SEC14L1: variants seen among roughly 807,000 people sequenced by gnomAD.
SEC14L1 encodes SEC14-like protein 1.
A neutral mutation model predicts 85.3 loss-of-function variants in SEC14L1; 48 were observed. That is an observed-to-expected ratio of 0.56 (90% confidence interval 0.45 to 0.72). The LOEUF is 0.72. Among genes scored for constraint, SEC14L1 ranks in the 30% least tolerant of loss-of-function variants. The probability of loss-of-function intolerance (pLI) is 0.00; values close to 1 mark genes in which losing one functional copy is unlikely to be tolerated. For missense variants in SEC14L1, 682 were observed against 921.4 expected, an observed-to-expected ratio of 0.74 and a Z score of 3.36; for synonymous variants, 391 against 355.5, an observed-to-expected ratio of 1.10 and a Z score of -1.12.
chr17:77,177,661 A>G (rs936039810), intron 3 of SEC14L1, among the ~76,000 whole-genome samples: 4 of 152,170 alleles, frequency 2.6e-5, no homozygotes, highest in Admixed American at 2.6e-4. Flanking sequence ...AAAACATTAT[A>G]TCTAATGCTA....
At chr17:77,096,539 A>G (rs1426749455) in intron 3 of SEC14L1, among the ~76,000 whole-genome samples, 1 of 139,460 alleles carries the variant, frequency 7.2e-6, no homozygotes, top group African/African-American at 2.7e-5. Flanking sequence ...CCTGGGTGAC[A>G]GTGAGACTCC....
chr17:77,201,661 G>C (rs1342658018), intron 9 of SEC14L1, among the ~76,000 whole-genome samples: 1 of 152,060 alleles, frequency 6.6e-6, no homozygotes, highest in East Asian at 1.9e-4. Context: ...ATATTGGCCA[G>C]GCTGGTCTCG....
At chr17:77,145,604 A>G (rs538777400) in intron 3 of SEC14L1, among the ~76,000 whole-genome samples, 3 of 152,186 alleles carry the variant, frequency 2.0e-5, no homozygotes, top group Non-Finnish European at 4.4e-5. Flanking sequence ...TGCCATTTGC[A>G]TGTTATCTGT....
At chr17:77,115,430 A>ATT (rs1453644885) in intron 3 of SEC14L1, among the ~76,000 whole-genome samples, 1 of 151,994 alleles carries the variant, frequency 6.6e-6, no homozygotes, top group Non-Finnish European at 1.5e-5. Context: ...ACTCCATCTC[A>ATT]AAAAAATAAA....
intron 3 of SEC14L1, chr17:77,185,365 T>C: frequency 1.0e-6 from 1 of 985,430 alleles, no homozygotes; most frequent in South Asian, 4.7e-5. Flanking sequence ...TTAAATGCCA[T>C]CTGGTTGGGC....
intron 14 of SEC14L1, 103 bp from the exon 15 acceptor site, chr17:77,211,847 C>A: frequency 1.4e-6 from 2 of 1,471,876 alleles, no homozygotes; most frequent in South Asian, 1.3e-5. Flanking sequence ...CCCTCCCCAG[C>A]TTCAGCACCT....
At chr17:77,129,682 G>A (rs1373258469) in intron 3 of SEC14L1, among the ~76,000 whole-genome samples, 1 of 152,188 alleles carries the variant, frequency 6.6e-6, no homozygotes, top group East Asian at 1.9e-4. Context: ...AGAGCTGAAG[G>A]TGGAGGAGGG....
In SEC14L1 at chr17:77,203,596, C is replaced by G. The variant is rs1251422764; in HGVS notation, c.1036C>G (p.Leu346Val). The change falls in exon 10 of 17, where the codon CTG (leucine) becomes GTG (valine). Residue 346 changes from leucine (L) to valine (V), a missense_variant. Physicochemically the swap from Leu to Val is conservative, Grantham distance 32. Transcript: ENST00000436233. ...TGGGCGGCCCCTCTACGTGCTCAGG[C>G]TGGGGCAGATGGACACCAAAGGCTT... ...KDGRPLYVLR[L>V]GQMDTKGLVR... 1 of 1,613,760 alleles carries G rather than the reference C, an allele frequency of 6.2e-7. No homozygotes were observed. Among genetic ancestry groups the G allele is most frequent in the African/African-American group, 1.3e-5 (1 of 74,928 alleles).
intron 3 of SEC14L1, among the ~76,000 whole-genome samples, chr17:77,110,187 C>T (rs1972015949): frequency 6.6e-6 from 1 of 152,196 alleles, no homozygotes; most frequent in African/African-American, 2.4e-5. Flanking sequence ...TGAAAGGTGA[C>T]TTTTCTGCTC....
intron 3 of SEC14L1, among the ~76,000 whole-genome samples, chr17:77,164,676 T>G (rs544756817): frequency 2.6e-5 from 4 of 151,912 alleles, no homozygotes; most frequent in Admixed American, 1.3e-4. Flanking sequence ...GAAAGGACAC[T>G]TGGATAGCTG....
intron 3 of SEC14L1, among the ~76,000 whole-genome samples, chr17:77,122,603 A>G (rs1458937877): frequency 6.6e-6 from 1 of 151,780 alleles, no homozygotes; most frequent in African/African-American, 2.4e-5. Flanking sequence ...CACCATCCCC[A>G]CCCTATTTTC....
chr17:77,191,515 C>T (rs1403106245), intron 5 of SEC14L1, among the ~76,000 whole-genome samples: 1 of 152,120 alleles, frequency 6.6e-6, no homozygotes. Flanking sequence ...GCAGTTAAGG[C>T]AGCCAAGTGA....
chr17:77,190,342 G>T (rs1207033188), intron 3 of SEC14L1, among the ~76,000 whole-genome samples: 4 of 151,936 alleles, frequency 2.6e-5, no homozygotes, highest in African/African-American at 9.7e-5. Context: ...CTATTTCTGG[G>T]TTCTGTATTT....
At chr17:77,176,785 C>G (rs1303083475) in intron 3 of SEC14L1, among the ~76,000 whole-genome samples, 1 of 152,130 alleles carries the variant, frequency 6.6e-6, no homozygotes, top group Non-Finnish European at 1.5e-5. Context: ...CGGGGTGTCT[C>G]CATGTTGTTC....
At chr17:77,119,082 G>A (rs1972240140) in intron 3 of SEC14L1, among the ~76,000 whole-genome samples, 1 of 152,108 alleles carries the variant, frequency 6.6e-6, no homozygotes, top group South Asian at 2.1e-4. Context: ...GGCCGAGACG[G>A]GTGGATTGCC....
intron 3 of SEC14L1, among the ~76,000 whole-genome samples, chr17:77,112,492 A>G (rs555446711): frequency 9.9e-5 from 15 of 152,194 alleles, no homozygotes; most frequent in Non-Finnish European, 2.1e-4. Flanking sequence ...TTTATAGTCT[A>G]TATTGACGTC....
At chr17:77,104,609 G>A (rs942295327) in intron 3 of SEC14L1, among the ~76,000 whole-genome samples, 5 of 149,870 alleles carry the variant, frequency 3.3e-5, no homozygotes, top group Non-Finnish European at 5.9e-5. Context: ...GGCCAAGATG[G>A]TGAAACCCCC....
In SEC14L1 at chr17:77,150,594, AG is replaced by A. The variant is rs550316223; in HGVS notation, c.63+6938del. On this transcript the variant is annotated intron_variant, in intron 3 of 16. Transcript: ENST00000436233. ...ACTCGCGACTCATATATCTTACTTC[AG>A]GGTGAGGAGACACTGCTCTTCCTTA... Among the ~76,000 whole-genome samples the A allele has an allele frequency of 1.3e-4, 20 of 152,350 alleles. No individual in the cohort carries two copies. In the East Asian group the frequency reaches 3.5e-3, roughly 26 times the overall value.
At chr17:77,203,539 C>T (rs779208210) in intron 9 of SEC14L1, 31 bp from the exon 10 acceptor site, 19 of 1,580,620 alleles carry the variant, frequency 1.2e-5, no homozygotes, top group Non-Finnish European at 1.6e-5. Flanking sequence ...TGGGATGGTG[C>T]TGACAACTCA....
Sources: allele counts gnomAD v4.1 joint callset (sites outside exome capture counted in the v4.1 genomes callset), GRCh38; gene constraint gnomAD v4.1.1; transcripts MANE v1.5; gene names NCBI Gene and HGNC (gene_info 2026-07-23, HGNC 2026-07-21).